Variants in RNFT2 observed in about 807,000 individuals in gnomAD.
RNFT2 encodes E3 ubiquitin-protein ligase RNFT2.
RNFT2 carries 36 observed loss-of-function variants against 53.0 expected under a neutral mutation model. The ratio of observed to expected loss-of-function variants is 0.68; its 90% CI spans 0.52 to 0.90. The LOEUF (loss-of-function observed/expected upper bound fraction) is 0.90, where lower values mean the gene tolerates loss of function less well. Ranked by LOEUF, RNFT2 falls within the 40% of genes least tolerant of loss-of-function variation. RNFT2 has a pLI of 0.00. For missense variants in RNFT2, 514 were observed against 585.6 expected, an observed-to-expected ratio of 0.88 and a Z score of 1.26; for synonymous variants, 260 against 253.2, an observed-to-expected ratio of 1.03 and a Z score of -0.26.
At chr12:116,802,487 A>C (rs1323203621) in intron 7 of RNFT2, among the ~76,000 whole-genome samples, 1 of 152,168 alleles carries the variant, frequency 6.6e-6, no homozygotes, top group Non-Finnish European at 1.5e-5. Flanking sequence ...TGGCCCACAA[A>C]TCTTAAAATA....
intron 10 of RNFT2, among the ~76,000 whole-genome samples, chr12:116,848,838 T>C (rs951848502): frequency 6.6e-6 from 1 of 152,068 alleles, no homozygotes; most frequent in Non-Finnish European, 1.5e-5. Flanking sequence ...TTTTTGTTTT[T>C]AGACAGATTC....
At chr12:116,750,673 C>A (rs1026532629) in intron 4 of RNFT2, among the ~76,000 whole-genome samples, 4 of 150,900 alleles carry the variant, frequency 2.7e-5, no homozygotes, top group African/African-American at 9.8e-5. Flanking sequence ...TATTTAACCT[C>A]TCTGTGCCTC....
At chr12:116,764,383 C>T (rs1007946699) in intron 5 of RNFT2, among the ~76,000 whole-genome samples, 1 of 152,140 alleles carries the variant, frequency 6.6e-6, no homozygotes, top group African/African-American at 2.4e-5. Flanking sequence ...CTTTCTCCTG[C>T]ACAGGTGATC....
chr12:116,841,881 A>G (rs1216281246), intron 10 of RNFT2, among the ~76,000 whole-genome samples: 14 of 24,660 alleles, frequency 5.7e-4, no homozygotes, highest in Non-Finnish European at 1.1e-3. Context: ...ATATATATAT[A>G]AATATATATA....
At chr12:116,789,013 ATGGATGGG>A (rs1874076253) in intron 7 of RNFT2, among the ~76,000 whole-genome samples, 2 of 147,064 alleles carry the variant, frequency 1.4e-5, no homozygotes, top group Admixed American at 6.8e-5. Context: ...GAGTAGATGG[ATGGATGGG>A]TGGATGGGTA....
chr12:116,750,840 T>A (rs11832884), intron 4 of RNFT2, among the ~76,000 whole-genome samples: 8 of 2,312 alleles, frequency 3.5e-3, no homozygotes, highest in African/African-American at 0.012. Flanking sequence ...ATATATATAT[T>A]ATATATATAT....
At chr12:116,739,558 G>T (rs1449425159) in intron 1 of RNFT2, among the ~76,000 whole-genome samples, 4 of 152,192 alleles carry the variant, frequency 2.6e-5, no homozygotes, top group South Asian at 2.1e-4. Flanking sequence ...AGAAGAGAAG[G>T]CCTCTGGGAA....
chr12:116,813,747 C>A (rs1875501153), intron 7 of RNFT2, among the ~76,000 whole-genome samples: 2 of 152,166 alleles, frequency 1.3e-5, no homozygotes, highest in Admixed American at 1.3e-4. Flanking sequence ...GCAGATATTT[C>A]TCCCTTCACT....
At chr12:116,806,920 C>T (rs1368331932) in intron 7 of RNFT2, among the ~76,000 whole-genome samples, 3 of 152,146 alleles carry the variant, frequency 2.0e-5, no homozygotes. Flanking sequence ...CCGTGTGCCA[C>T]TGTTCTGCTG....
At chr12:116,768,191 C>T (rs921478383) in intron 6 of RNFT2, among the ~76,000 whole-genome samples, 1 of 150,834 alleles carries the variant, frequency 6.6e-6, no homozygotes, top group Non-Finnish European at 1.5e-5. Flanking sequence ...ACCTATGCCT[C>T]CCAGGTTCAA....
intron 7 of RNFT2, among the ~76,000 whole-genome samples, chr12:116,786,160 C>T (rs554741951): frequency 4.1e-5 from 6 of 147,286 alleles, no homozygotes; most frequent in East Asian, 2.0e-4. Flanking sequence ...TCACTTTTGT[C>T]CCCCAGGCTG....
At chr12:116,779,967 G>A (rs777469388) in intron 7 of RNFT2, among the ~76,000 whole-genome samples, 2 of 151,700 alleles carry the variant, frequency 1.3e-5, no homozygotes, top group Non-Finnish European at 3.0e-5. Context: ...ATTGCCAGTG[G>A]CTCTGTAAGG....
chr12:116,816,152 C>CT (rs1386631829), intron 7 of RNFT2, among the ~76,000 whole-genome samples: 9 of 152,222 alleles, frequency 5.9e-5, no homozygotes, highest in African/African-American at 2.2e-4. Flanking sequence ...TCCCAGGCCA[C>CT]TATGGGCTTA....
At chr12:116,785,179 C>T (rs1226722801) in intron 7 of RNFT2, among the ~76,000 whole-genome samples, 1 of 151,508 alleles carries the variant, frequency 6.6e-6, no homozygotes, top group East Asian at 1.9e-4. Flanking sequence ...ATCCTTGAGG[C>T]GTCAGTTCAG....
At chr12:116,778,969 A>G (rs1873562941) in intron 6 of RNFT2, among the ~76,000 whole-genome samples, 1 of 152,274 alleles carries the variant, frequency 6.6e-6, no homozygotes, top group African/African-American at 2.4e-5. Flanking sequence ...CTCCAGGCCA[A>G]TATGGCCATT....
rs534106533 is a variant in RNFT2 at position 116,740,929 on chromosome 12, G to T, written c.25-107G>T. ...TTGGAAAATGCCAGAGAGCACTAGG[G>T]GTCTAAGATACGACTAGTGCAGGTT... On this transcript the variant is annotated intron_variant, in intron 2 of 10. Transcript: ENST00000257575. The T allele has an allele frequency of 1.5e-5, 13 of 888,640 alleles. No homozygotes were observed. In the East Asian group the frequency reaches 3.2e-4, roughly 22 times the overall value. The allele number at this position is 888,640 out of a possible 1,614,324, so 55.0% of individuals were successfully genotyped here. A position where few individuals can be genotyped will look rare whatever the true frequency, so the allele number is the denominator to read the frequency against.
At chr12:116,753,895 G>T in intron 4 of RNFT2, 89 bp from the exon 5 acceptor site, 1 of 937,870 alleles carries the variant, frequency 1.1e-6, no homozygotes. Context: ...AGGGGACCAG[G>T]GATGTGCCTT....
chr12:116,785,864 C>T (rs1873911746), intron 7 of RNFT2, among the ~76,000 whole-genome samples: 1 of 152,022 alleles, frequency 6.6e-6, no homozygotes, highest in Non-Finnish European at 1.5e-5. Context: ...GCCTGGGCAG[C>T]ATGGTGAAAC....
chr12:116,758,634 A>T (rs1448983148), intron 5 of RNFT2, among the ~76,000 whole-genome samples: 1 of 152,196 alleles, frequency 6.6e-6, no homozygotes, highest in South Asian at 2.1e-4. Context: ...GTTTCACTGG[A>T]TACAAAATTC....
Sources: allele counts gnomAD v4.1 joint callset (sites outside exome capture counted in the v4.1 genomes callset), GRCh38; gene constraint gnomAD v4.1.1; transcripts MANE v1.5; gene names NCBI Gene and HGNC (gene_info 2026-07-23, HGNC 2026-07-21).